HOMER2: variants seen among roughly 807,000 people sequenced by gnomAD.
HOMER2 encodes homer scaffold protein 2, also known as homer protein homolog 2.
A neutral mutation model predicts 47.0 loss-of-function variants in HOMER2; 27 were observed. The ratio of observed to expected loss-of-function variants is 0.57; its 90% CI spans 0.42 to 0.79. The LOEUF (loss-of-function observed/expected upper bound fraction) is 0.79, where lower values mean the gene tolerates loss of function less well. Ranked by LOEUF, HOMER2 falls within the 30% of genes least tolerant of loss-of-function variation. The pLI is 0.00. For missense variants in HOMER2, 443 were observed against 435.0 expected (o/e 1.02, Z -0.16); for synonymous variants, 161 against 163.8 (o/e 0.98, Z 0.13).
At chr15:82,942,902 T>C (rs916284792) in intron 1 of HOMER2, among the ~76,000 whole-genome samples, 19 of 152,178 alleles carry the variant, frequency 1.2e-4, no homozygotes, top group African/African-American at 4.6e-4. Flanking sequence ...ACCTGATGAC[T>C]GGAAGCCAAC....
chr15:82,944,730 T>C, intron 1 of HOMER2, among the ~76,000 whole-genome samples: 1 of 152,056 alleles, frequency 6.6e-6, no homozygotes, highest in African/African-American at 2.4e-5. Context: ...TTTCAGTGGA[T>C]TTGCCCACGG....
chr15:82,968,409 C>A (rs776943917), intron 1 of HOMER2, among the ~76,000 whole-genome samples: 8 of 152,208 alleles, frequency 5.3e-5, no homozygotes, highest in African/African-American at 1.9e-4. Flanking sequence ...ACATTCAACA[C>A]ATTTGTTTAG....
intron 2 of HOMER2, 110 bp from the exon 3 acceptor site, chr15:82,875,514 C>T (rs2052320182): frequency 8.4e-7 from 1 of 1,187,604 alleles, no homozygotes. Flanking sequence ...GTATCCTCTG[C>T]CCTGTTAAAT....
At chr15:82,970,969 G>C (rs1312392422) in intron 1 of HOMER2, among the ~76,000 whole-genome samples, 1 of 152,228 alleles carries the variant, frequency 6.6e-6, no homozygotes, top group Non-Finnish European at 1.5e-5. Context: ...TGAGGACACA[G>C]AGGTGAAAAG....
chr15:82,914,210 C>T (rs1270310935), intron 1 of HOMER2, among the ~76,000 whole-genome samples: 1 of 149,604 alleles, frequency 6.7e-6, no homozygotes, highest in African/African-American at 2.5e-5. Flanking sequence ...CACACACACA[C>T]ACACACACAC....
chr15:82,850,317 C>T (rs1047340977), intron 8 of HOMER2, among the ~76,000 whole-genome samples: 1 of 152,272 alleles, frequency 6.6e-6, no homozygotes, highest in African/African-American at 2.4e-5. Context: ...GCTCGTTCCC[C>T]TGGTCCCACA....
At chr15:82,922,546 G>A (rs2053755320) in intron 1 of HOMER2, among the ~76,000 whole-genome samples, 1 of 152,182 alleles carries the variant, frequency 6.6e-6, no homozygotes, top group South Asian at 2.1e-4. Context: ...GTATATGCTG[G>A]CTCGGAAGAA....
intron 7 of HOMER2, among the ~76,000 whole-genome samples, chr15:82,851,809 G>T (rs1281270827): frequency 6.6e-6 from 1 of 152,178 alleles, no homozygotes; most frequent in Non-Finnish European, 1.5e-5. Flanking sequence ...AAAATAAGTG[G>T]TTACATCATG....
rs200291026 is a variant in HOMER2, at chr15:82,902,122, AG to A, written c.6-9282del. ...TCCCACCTGAATCTATCATGAACAAAGGAAGTTTTAAACAAAAAGAGTTTAC... is the reference window on the plus strand; with the variant it reads ...TCCCACCTGAATCTATCATGAACAAAGAAGTTTTAAACAAAAAGAGTTTAC... On this transcript the variant is annotated intron_variant, in intron 1 of 8. Coordinates refer to ENST00000450735, the MANE Select transcript of HOMER2 (RefSeq NM_004839.4). 7.2e-3 allele frequency among the ~76,000 whole-genome samples: 1,093 copies of A among 152,334 alleles called. 12 individuals carry two copies. Among genetic ancestry groups the A allele is most frequent in the African/African-American group, 0.024 (994 of 41,572 alleles).
downstream of HOMER2, chr15:82,835,716 G>C (rs939024165): frequency 1.3e-5 from 2 of 152,366 alleles, no homozygotes; most frequent in African/African-American, 4.8e-5. Context: ...CTCCCACCCA[G>C]GTTCCCAGGG....
chr15:82,869,951 T>A (rs2052123390), intron 3 of HOMER2, among the ~76,000 whole-genome samples: 1 of 152,190 alleles, frequency 6.6e-6, no homozygotes, highest in African/African-American at 2.4e-5. Context: ...AATCCATGGA[T>A]CAAAGGATAT....
chr15:82,931,750 A>G (rs2054016926), intron 1 of HOMER2, among the ~76,000 whole-genome samples: 1 of 152,160 alleles, frequency 6.6e-6, no homozygotes, highest in South Asian at 2.1e-4. Context: ...ACGCAGGAGA[A>G]TCGCTTGAAC....
At chr15:82,953,196 T>C (rs1212733967), upstream of HOMER2, among the ~76,000 whole-genome samples, 2 of 152,038 alleles carry the variant, frequency 1.3e-5, no homozygotes, top group Non-Finnish European at 2.9e-5. Flanking sequence ...TTCCTGCCAG[T>C]TGCCCGGCCG....
intron 1 of HOMER2, among the ~76,000 whole-genome samples, chr15:82,966,421 C>T (rs2054676020): frequency 6.6e-6 from 1 of 152,154 alleles, no homozygotes; most frequent in South Asian, 2.1e-4. Flanking sequence ...AACAGTCAAA[C>T]TTCACAATTT....
intron 1 of HOMER2, among the ~76,000 whole-genome samples, chr15:82,908,715 TTTTC>T (rs2053358736): frequency 6.6e-6 from 1 of 151,824 alleles, no homozygotes; most frequent in Non-Finnish European, 1.5e-5. Context: ...TGTCTTAAGT[TTTTC>T]TTTTAGTCAG....
chr15:82,856,248 AG>A (rs2051581835), intron 5 of HOMER2, among the ~76,000 whole-genome samples: 2 of 152,224 alleles, frequency 1.3e-5, no homozygotes, highest in Admixed American at 1.3e-4. Context: ...CATTAAACTC[AG>A]ATTTGAAAAC....
At chr15:82,878,662 C>G (rs1484781811) in intron 2 of HOMER2, among the ~76,000 whole-genome samples, 1 of 152,212 alleles carries the variant, frequency 6.6e-6, no homozygotes, top group Admixed American at 6.5e-5. Context: ...GGGTCTTGCT[C>G]TGTTGCCCAG....
intron 1 of HOMER2, among the ~76,000 whole-genome samples, chr15:82,936,096 C>T (rs936047837): frequency 4.6e-5 from 7 of 152,228 alleles, no homozygotes; most frequent in Non-Finnish European, 8.8e-5. Context: ...CAATCCTGCC[C>T]TGCTGGTCTG....
At chr15:82,853,266 C>G (rs927241242) in intron 6 of HOMER2, among the ~76,000 whole-genome samples, 2 of 73,214 alleles carry the variant, frequency 2.7e-5, no homozygotes, top group African/African-American at 4.5e-5. Context: ...CCACTCCCCC[C>G]GCACTGCTGC....
Sources: allele counts gnomAD v4.1 joint callset (sites outside exome capture counted in the v4.1 genomes callset), GRCh38; gene constraint gnomAD v4.1.1; transcripts MANE v1.5; gene names NCBI Gene and HGNC (gene_info 2026-07-23, HGNC 2026-07-21).